Variants in PKD2L1 observed in about 807,000 individuals in gnomAD.
The protein encoded by PKD2L1 is polycystin-2-like protein 1.
A neutral mutation model predicts 93.0 loss-of-function variants in PKD2L1; 77 were observed. That is an observed-to-expected ratio of 0.83 (90% CI 0.69 to 1.00). PKD2L1 has a LOEUF of 1.00. Among genes scored for constraint, PKD2L1 ranks in the 50% least tolerant of loss-of-function variants. PKD2L1 has a pLI of 0.00. For missense variants in PKD2L1, 977 were observed against 990.9 expected (o/e 0.99, Z 0.19); for synonymous variants, 390 against 388.0 (o/e 1.01, Z -0.06).
intron 2 of PKD2L1, among the ~76,000 whole-genome samples, chr10:100,327,964 C>T (rs1479495636): frequency 6.6e-6 from 1 of 152,172 alleles, no homozygotes; most frequent in Non-Finnish European, 1.5e-5. Flanking sequence ...ATTTCATCAA[C>T]ATTAATGTTA....
At chr10:100,310,051 A>G (rs1848898402) in intron 2 of PKD2L1, among the ~76,000 whole-genome samples, 1 of 152,206 alleles carries the variant, frequency 6.6e-6, no homozygotes, top group Non-Finnish European at 1.5e-5. Context: ...AGAGGGCAGC[A>G]AGCCCAGCGC....
intron 2 of PKD2L1, among the ~76,000 whole-genome samples, chr10:100,328,221 G>T (rs929000936): frequency 1.3e-4 from 20 of 152,156 alleles, no homozygotes; most frequent in African/African-American, 4.8e-4. Flanking sequence ...GCATCTGTTT[G>T]GTCCAATTTT....
chr10:100,294,701 C>T (rs764991109), intron 8 of PKD2L1, 46 bp from the exon 9 acceptor site: 6 of 1,611,796 alleles, frequency 3.7e-6, no homozygotes, highest in East Asian at 2.2e-5. Context: ...ACAAACACCC[C>T]CCATCCCACT....
chr10:100,294,230 G>A lies in PKD2L1; in HGVS notation c.1659+305C>T, dbSNP rs143745537. Reference sequence around the variant, plus strand: ...GGAAGGGGAGTCTTGGAGGACGGTCGTAGACGCTTCCAGGTGCAGCTACTG... The same window carrying A: ...GGAAGGGGAGTCTTGGAGGACGGTCATAGACGCTTCCAGGTGCAGCTACTG... On this transcript the variant is annotated intron_variant, in intron 9 of 15. Coordinates refer to ENST00000318222, the MANE Select transcript of PKD2L1 (RefSeq NM_016112.3). 5.6e-3 allele frequency among the ~76,000 whole-genome samples: 858 copies of A among 152,252 alleles called. 12 individuals carry two copies. Among genetic ancestry groups the A allele is most frequent in the African/African-American group, 0.02 (818 of 41,536 alleles).
In PKD2L1 at chr10:100,329,802, G is replaced by A. The variant is rs528960995; in HGVS notation, c.235+67C>T. The A allele has an allele frequency of 1.6e-5, 18 of 1,117,008 alleles. No individual in the cohort carries two copies. In the East Asian group the frequency reaches 3.6e-4, roughly 22 times the overall value. The allele number at this position is 1,117,008 out of a possible 1,614,324, so 69.2% of individuals were successfully genotyped here. A position where few individuals can be genotyped will look rare whatever the true frequency, so the allele number is the denominator to read the frequency against. On this transcript the variant is annotated intron_variant, in intron 1 of 15. Coordinates refer to ENST00000318222, the MANE Select transcript of PKD2L1 (RefSeq NM_016112.3). ...AGATCACATTCCACCCCCACCCCCT[G>A]CCCAAAAGCTTTTGGTGACTCCTCC...
intron 2 of PKD2L1, among the ~76,000 whole-genome samples, chr10:100,309,436 T>C (rs1238095854): frequency 6.6e-6 from 1 of 152,228 alleles, no homozygotes; most frequent in African/African-American, 2.4e-5. Context: ...TTCCAAGTTA[T>C]AGGCTGAAGT....
At chr10:100,303,320 A>G (rs1399069587) in intron 2 of PKD2L1, among the ~76,000 whole-genome samples, 1 of 150,254 alleles carries the variant, frequency 6.7e-6, no homozygotes, top group African/African-American at 2.5e-5. Flanking sequence ...CAGCCTCCCG[A>G]GTAGCTGGGA....
At chr10:100,306,855 C>CAAAAAAAAAAAAAAAA (rs61413476) in intron 2 of PKD2L1, among the ~76,000 whole-genome samples, 531 of 49,538 alleles carry the variant, frequency 0.011, 61 homozygotes, top group African/African-American at 0.052. Context: ...GAGACCCTGT[C>CAAAAAAAAAAAAAAAA]AAAAAAAAAA....
At chr10:100,321,668 AAAG>A (rs1312464106) in intron 2 of PKD2L1, among the ~76,000 whole-genome samples, 9 of 600 alleles carry the variant, frequency 0.015, 1 homozygote, top group African/African-American at 0.036. Context: ...GTGAGAAAAG[AAAG>A]AAAGAAAGAA....
intron 12 of PKD2L1, 150 bp from the exon 13 acceptor site, chr10:100,290,669 A>C: frequency 1.7e-6 from 1 of 605,310 alleles, no homozygotes; most frequent in Non-Finnish European, 2.9e-6. Flanking sequence ...TGGAGACAAT[A>C]GGGTCAGGGT....
At chr10:100,292,448 G>C (rs1246481304) in intron 11 of PKD2L1, among the ~76,000 whole-genome samples, 1 of 151,402 alleles carries the variant, frequency 6.6e-6, no homozygotes, top group Non-Finnish European at 1.5e-5. Flanking sequence ...AGCCGAGATT[G>C]TGCAACTGCA....
chr10:100,293,513 A>G (rs1419225545), intron 9 of PKD2L1, 134 bp from the exon 10 acceptor site: 12 of 640,468 alleles, frequency 1.9e-5, no homozygotes, highest in African/African-American at 3.6e-5. Context: ...GCAGCCCATC[A>G]ATCCCTGCCT....
At chr10:100,322,640 T>A (rs1849286692) in intron 2 of PKD2L1, among the ~76,000 whole-genome samples, 3 of 152,228 alleles carry the variant, frequency 2.0e-5, no homozygotes. Context: ...TATTCTTTAA[T>A]GTTTTTATAT....
At position 100,297,590 on chromosome 10, in the gene PKD2L1, G is replaced by C; in HGVS notation, c.748C>G (p.Gln250Glu). 1 of 1,613,460 alleles carries C rather than the reference G, an allele frequency of 6.2e-7. No homozygotes were observed. The highest frequency in any genetic ancestry group is 1.1e-5 in the South Asian group (1 of 91,046). ...FNGTAWTYHS[Q>E]DELGGFSHWG... ...TGGGAGAAGCCCCCCAACTCATCCT[G>C]CGAGTGGTATGTCCACCTGCCACAG... Residue 250 changes from glutamine (Q) to glutamate (E), a missense_variant, in exon 5 of 16, where the codon CAG becomes GAG. Coordinates refer to ENST00000318222, the MANE Select transcript of PKD2L1 (RefSeq NM_016112.3).
chr10:100,322,101 C>A (rs1052601631), intron 2 of PKD2L1, among the ~76,000 whole-genome samples: 46 of 151,702 alleles, frequency 3.0e-4, no homozygotes, highest in African/African-American at 1.0e-3. Flanking sequence ...TGGTGCATGC[C>A]TGTAGACCCA....
rs371295711 is a variant in PKD2L1, at chr10:100,297,104, C to G, written c.1061G>C (p.Gly354Ala). Residue 354 changes from glycine (G) to alanine (A), a missense_variant, in exon 6 of 16, where the codon GGC becomes GCC. By Grantham distance (60) the Gly-to-Ala change is moderately conservative. Coordinates refer to ENST00000318222, the MANE Select transcript of PKD2L1 (RefSeq NM_016112.3). Reference protein sequence around the residue: ...YVSNWDFFIVGCEVIFCVFIF... With the variant: ...YVSNWDFFIVACEVIFCVFIF... ...GAAGACGCAGAAGATGACCTCACAGCCAACGATAAAGAAGTCCCAGTTGCT... is the reference window on the plus strand; with the variant it reads ...GAAGACGCAGAAGATGACCTCACAGGCAACGATAAAGAAGTCCCAGTTGCT... 22 of 1,614,044 alleles carry G rather than the reference C, an allele frequency of 1.4e-5. No homozygotes were observed. The highest frequency in any genetic ancestry group is 1.9e-5 in the Non-Finnish European group (22 of 1,180,018).
intron 7 of PKD2L1, among the ~76,000 whole-genome samples, 169 bp from the exon 8 acceptor site, chr10:100,295,292 C>T (rs898148265): frequency 8.6e-5 from 13 of 151,836 alleles, no homozygotes; most frequent in African/African-American, 1.9e-4. Context: ...CATGGTGGCA[C>T]GCACCTGTAA....
At position 100,298,720 on chromosome 10, in the gene PKD2L1, C is replaced by T; in HGVS notation, c.573G>A (p.Glu191=). 1.2e-6 allele frequency: 2 copies of T among 1,614,090 alleles called. No individual in the cohort carries two copies. Among genetic ancestry groups the T allele is most frequent in the Non-Finnish European group, 1.7e-6 (2 of 1,180,002 alleles). ...GHGSHSFIYY[E]NMLLGVPRLR... is the part of the protein sequence containing the mutation. ...GCCTCGGAACCCCCAGCAGCATGTTCTCATAGTAGATGAAGGAGTGGGAGC... is the reference window on the plus strand; with the variant it reads ...GCCTCGGAACCCCCAGCAGCATGTTTTCATAGTAGATGAAGGAGTGGGAGC... The change falls in exon 4 of 16, where the codon GAG becomes GAA. Residue 191 remains glutamate (E), a synonymous_variant. Coordinates refer to ENST00000318222, the MANE Select transcript of PKD2L1 (RefSeq NM_016112.3).
chr10:100,294,906 G>T, intron 8 of PKD2L1, 36 bp downstream of exon 8: 1 of 1,575,732 alleles, frequency 6.3e-7, no homozygotes, highest in East Asian at 2.3e-5. Context: ...TGGAGGGTGA[G>T]GGGCCAGGGA....
Sources: gnomAD v4.1 joint callset for allele counts (sites outside exome capture counted in the v4.1 genomes callset) on GRCh38, gnomAD v4.1.1 for gene constraint, MANE v1.5 for transcripts, NCBI Gene and HGNC (gene_info 2026-07-23, HGNC 2026-07-21) for gene names.